SENP7: variants seen among roughly 807,000 people sequenced by gnomAD.
The protein encoded by SENP7 is sentrin-specific protease 7.
In SENP7, 64 loss-of-function variants were observed where a neutral mutation model predicts 141.2. The observed-to-expected ratio is 0.45, with a 90% CI of 0.37 to 0.56. The LOEUF (loss-of-function observed/expected upper bound fraction) is 0.56, where lower values mean the gene tolerates loss of function less well. Ranked by LOEUF, SENP7 falls within the 20% of genes least tolerant of loss-of-function variation. The pLI is 0.00. For synonymous variants in SENP7, 382 were observed against 426.4 expected, an observed-to-expected ratio of 0.90 and a Z score of 1.28; for missense variants, 1,025 against 1,212.2, an observed-to-expected ratio of 0.85 and a Z score of 2.29.
intron 10 of SENP7, chr3:101,363,130 C>T (rs2059944767): frequency 1.1e-6 from 1 of 929,850 alleles, no homozygotes; most frequent in Non-Finnish European, 1.3e-6. Context: ...CGCCATTTAC[C>T]TGCTTAATTG....
At chr3:101,490,705 C>T (rs1244039518) in intron 3 of SENP7, among the ~76,000 whole-genome samples, 2 of 152,024 alleles carry the variant, frequency 1.3e-5, no homozygotes, top group Non-Finnish European at 2.9e-5. Flanking sequence ...ATAAAAATCA[C>T]AAACAAATCA....
At chr3:101,454,418 G>A (rs988727729) in intron 4 of SENP7, among the ~76,000 whole-genome samples, 3 of 152,006 alleles carry the variant, frequency 2.0e-5, no homozygotes, top group Admixed American at 6.6e-5. Context: ...GGGCTGAGGC[G>A]GGAGGATCGC....
chr3:101,401,278 T>C (rs764130709), intron 5 of SENP7, among the ~76,000 whole-genome samples: 9 of 152,002 alleles, frequency 5.9e-5, no homozygotes, highest in Middle Eastern at 3.4e-3. Context: ...CCTATAATCC[T>C]AGCACTTAGG....
chr3:101,500,020 A>C lies in SENP7; in HGVS notation c.90+1050T>G, dbSNP rs73862803. ...CATGCAAATCTTAAGCCAAAAAAGA[A>C]AGTGTATCTAAAGCCATACTTTCTA... is the stretch of plus-strand genomic sequence containing the variant. On this transcript the variant is annotated intron_variant, in intron 2 of 23. Transcript: ENST00000394095. Among the ~76,000 whole-genome samples, 1,485 of 152,246 alleles carry C rather than the reference A, an allele frequency of 9.8e-3. 27 individuals carry two copies. The highest frequency in any genetic ancestry group is 0.034 in the African/African-American group (1,404 of 41,520).
intron 5 of SENP7, among the ~76,000 whole-genome samples, chr3:101,409,387 G>A (rs1008634515): frequency 6.6e-6 from 1 of 152,100 alleles, no homozygotes; most frequent in Admixed American, 6.5e-5. Flanking sequence ...CAAATTCAAT[G>A]CAATTCCTAT....
At chr3:101,430,236 C>A (rs1422556106) in intron 4 of SENP7, among the ~76,000 whole-genome samples, 2 of 151,976 alleles carry the variant, frequency 1.3e-5, no homozygotes, top group Non-Finnish European at 2.9e-5. Flanking sequence ...CTTTTTCTAT[C>A]GATTGGAATA....
At chr3:101,437,813 T>C (rs1029099505) in intron 4 of SENP7, among the ~76,000 whole-genome samples, 2 of 151,992 alleles carry the variant, frequency 1.3e-5, no homozygotes, top group Non-Finnish European at 2.9e-5. Flanking sequence ...AGAAGATATA[T>C]GAATCTCTAA....
intron 3 of SENP7, among the ~76,000 whole-genome samples, chr3:101,470,705 C>A (rs1169477188): frequency 6.6e-6 from 1 of 152,182 alleles, no homozygotes; most frequent in East Asian, 1.9e-4. Context: ...ATGAGGAAGT[C>A]AAATTGTCCC....
At chr3:101,447,786 GA>G (rs139130488) in intron 4 of SENP7, among the ~76,000 whole-genome samples, 350 of 148,726 alleles carry the variant, frequency 2.4e-3, no homozygotes, top group African/African-American at 8.5e-3. Context: ...AAAAAATCTT[GA>G]AAAAAAAATA....
intron 11 of SENP7, among the ~76,000 whole-genome samples, chr3:101,353,494 A>C (rs917121252): frequency 1.3e-5 from 2 of 151,896 alleles, no homozygotes; most frequent in African/African-American, 4.8e-5. Flanking sequence ...TTAAAACCCT[A>C]CTCCCAGCAG....
At chr3:101,509,402 C>T (rs539712456) in intron 1 of SENP7, among the ~76,000 whole-genome samples, 57 of 152,228 alleles carry the variant, frequency 3.7e-4, no homozygotes, top group Middle Eastern at 3.4e-3. Flanking sequence ...AAATCCAGTA[C>T]CCTCATGCTA....
chr3:101,397,131 C>T (rs2060992712), intron 6 of SENP7, among the ~76,000 whole-genome samples: 1 of 152,178 alleles, frequency 6.6e-6, no homozygotes, highest in African/African-American at 2.4e-5. Context: ...GCGTGAGCCA[C>T]CATACCCGGC....
intron 3 of SENP7, among the ~76,000 whole-genome samples, chr3:101,460,725 A>C (rs1057091772): frequency 7.2e-5 from 11 of 152,204 alleles, no homozygotes; most frequent in African/African-American, 2.7e-4. Flanking sequence ...TGAAACTTTT[A>C]TTCATTACTG....
chr3:101,408,958 G>A (rs754109728), intron 5 of SENP7, among the ~76,000 whole-genome samples: 2 of 152,038 alleles, frequency 1.3e-5, no homozygotes, highest in Non-Finnish European at 2.9e-5. Flanking sequence ...AAAAAATAAA[G>A]GGCATCCAAA....
intron 4 of SENP7, among the ~76,000 whole-genome samples, chr3:101,433,877 A>G (rs1376400751): frequency 6.7e-6 from 1 of 148,360 alleles, no homozygotes; most frequent in Non-Finnish European, 1.5e-5. Context: ...CAGAAAATCA[A>G]CAAACAAACA....
At chr3:101,510,224 C>A (rs1323992843) in intron 1 of SENP7, among the ~76,000 whole-genome samples, 1 of 152,182 alleles carries the variant, frequency 6.6e-6, no homozygotes, top group Non-Finnish European at 1.5e-5. Flanking sequence ...CTGATGCCAG[C>A]CGTTTTTTAA....
intron 1 of SENP7, among the ~76,000 whole-genome samples, chr3:101,502,921 T>TAA (rs371641769): frequency 3.7e-5 from 5 of 134,680 alleles, no homozygotes; most frequent in African/African-American, 5.4e-5. Flanking sequence ...GTCTCAGATT[T>TAA]AAAAAAAAAA....
chr3:101,498,182 CA>C (rs1259771548), intron 2 of SENP7, among the ~76,000 whole-genome samples: 1 of 152,012 alleles, frequency 6.6e-6, no homozygotes, highest in African/African-American at 2.4e-5. Context: ...AATTTGGAGG[CA>C]AGATACACTG....
At chr3:101,334,046 T>G (rs1170231470) in intron 17 of SENP7, among the ~76,000 whole-genome samples, 4 of 152,074 alleles carry the variant, frequency 2.6e-5, no homozygotes, top group Admixed American at 2.6e-4. Flanking sequence ...CTCCTGTGAG[T>G]ATCTAACGCT....
Sources: allele counts gnomAD v4.1 joint callset (sites outside exome capture counted in the v4.1 genomes callset), GRCh38; gene constraint gnomAD v4.1.1; transcripts MANE v1.5; gene names NCBI Gene and HGNC (gene_info 2026-07-23, HGNC 2026-07-21).